ABI2: variants seen among roughly 807,000 people sequenced by gnomAD.
ABI2 encodes the protein abelson interactor 2.
A neutral mutation model predicts 59.2 loss-of-function variants in ABI2; 25 were observed. The observed-to-expected ratio is 0.42, with a 90% CI of 0.31 to 0.59. The LOEUF (loss-of-function observed/expected upper bound fraction) is 0.59. ABI2 is among the 20% of genes least tolerant of loss of function. The probability of loss-of-function intolerance (pLI) is 0.14; values close to 1 mark genes in which losing one functional copy is unlikely to be tolerated. For missense variants in ABI2, 545 were observed against 681.8 expected, an observed-to-expected ratio of 0.80 and a Z score of 2.23; for synonymous variants, 213 against 235.5, an observed-to-expected ratio of 0.90 and a Z score of 0.87.
chr2:203,402,574 A>G lies in ABI2; in HGVS notation c.1034-2A>G. On this transcript the variant is annotated splice_acceptor_variant, in intron 8 of 11. Transcript: ENST00000261018. LOFTEE classifies it high-confidence loss of function. ...CATATGTATGTTCTATCTCTTTTTC[A>G]GGTCATCCTGTACAGTTCTACAGCA... 6.8e-7 allele frequency: 1 copy of G among 1,475,408 alleles called. No homozygotes were observed. 91.4% of individuals were successfully genotyped at this position (1,475,408 alleles called of 1,614,324 possible). A position where few individuals can be genotyped will look rare whatever the true frequency, so the allele number is the denominator to read the frequency against.
chr2:203,382,955 A>G (rs1408907606), intron 4 of ABI2, among the ~76,000 whole-genome samples: 1 of 152,194 alleles, frequency 6.6e-6, no homozygotes, highest in Admixed American at 6.5e-5. Context: ...TCGTTTCAAT[A>G]ATGTTTTGGT....
intron 1 of ABI2, chr2:203,351,532 G>GTT (rs35382487): frequency 0.15 from 56,244 of 372,578 alleles, 48 homozygotes; most frequent in South Asian, 0.22. Flanking sequence ...TCAGTGTTTA[G>GTT]TTTTTTTTTT....
At position 203,385,155 on chromosome 2, in the gene ABI2, G is replaced by GCC. The variant is rs1352521786; in HGVS notation, c.480+2949_480+2950insCC. ...GCTCAGATTCTTTTTTTTTTTTTGA[G>GCC]ACAGTCTTGCCGTTGCCCAGGCTGG... On this transcript the variant is annotated intron_variant, in intron 4 of 11. Transcript: ENST00000261018. Among the ~76,000 whole-genome samples the GCC allele has an allele frequency of 1.5e-3, 19 of 12,406 alleles. 5 individuals are homozygous for GCC. The highest frequency in any genetic ancestry group is 0.12 in the Middle Eastern group (1 of 8). The allele number at this position is 12,406 out of a possible 152,430, so 8.1% of individuals were successfully genotyped here. A position where few individuals can be genotyped will look rare whatever the true frequency, so the allele number is the denominator to read the frequency against.
intron 1 of ABI2, among the ~76,000 whole-genome samples, chr2:203,334,216 C>T (rs2075381285): frequency 1.3e-5 from 2 of 152,170 alleles, no homozygotes; most frequent in Admixed American, 1.3e-4. Flanking sequence ...GCTGGGATTA[C>T]AGGTGTGAGC....
intron 1 of ABI2, among the ~76,000 whole-genome samples, chr2:203,345,653 C>A (rs555036492): frequency 1.1e-4 from 17 of 152,046 alleles, no homozygotes; most frequent in African/African-American, 4.1e-4. Flanking sequence ...AGGTGATCCA[C>A]CCACCTCGGC....
intron 8 of ABI2, among the ~76,000 whole-genome samples, chr2:203,400,797 G>C (rs2097188482): frequency 6.6e-6 from 1 of 152,120 alleles, no homozygotes; most frequent in Non-Finnish European, 1.5e-5. Context: ...ATGAAAAATT[G>C]TCAAAGTGTT....
At chr2:203,365,918 C>T (rs893681627) in intron 1 of ABI2, among the ~76,000 whole-genome samples, 6 of 152,018 alleles carry the variant, frequency 3.9e-5, no homozygotes, top group Admixed American at 6.6e-5. Context: ...CGTGAGCCAC[C>T]GTGCCCGGCC....
At chr2:203,333,150 A>G (rs2074735541) in intron 1 of ABI2, among the ~76,000 whole-genome samples, 1 of 152,220 alleles carries the variant, frequency 6.6e-6, no homozygotes, top group Non-Finnish European at 1.5e-5. Flanking sequence ...CAAAGATTTA[A>G]AATTTTTATT....
chr2:203,339,711 T>C (rs1024141050), intron 1 of ABI2, among the ~76,000 whole-genome samples: 1 of 152,082 alleles, frequency 6.6e-6, no homozygotes, highest in Non-Finnish European at 1.5e-5. Flanking sequence ...CAAAGAGACA[T>C]CTGCACACCC....
At chr2:203,407,657 T>C (rs543280511) in intron 9 of ABI2, among the ~76,000 whole-genome samples, 2 of 152,328 alleles carry the variant, frequency 1.3e-5, no homozygotes, top group Middle Eastern at 3.4e-3. Context: ...CTAAACATTC[T>C]TGTATATTGT....
At chr2:203,363,097 T>C (rs1428075855) in intron 1 of ABI2, among the ~76,000 whole-genome samples, 2 of 152,032 alleles carry the variant, frequency 1.3e-5, no homozygotes, top group East Asian at 3.9e-4. Context: ...TTGCAAACTT[T>C]TGGGATTACA....
chr2:203,372,569 ACCTC>A (rs1398399347), intron 2 of ABI2, among the ~76,000 whole-genome samples: 47 of 138,906 alleles, frequency 3.4e-4, no homozygotes, highest in Non-Finnish European at 6.7e-4. Flanking sequence ...TGACCCCCCC[ACCTC>A]CCTCCCGGAC....
intron 2 of ABI2, chr2:203,375,885 A>G (rs1465448597): frequency 4.6e-6 from 2 of 435,030 alleles, no homozygotes; most frequent in African/African-American, 2.0e-5. Context: ...CAAACTCCAA[A>G]TAGAACCGTA....
At chr2:203,358,904 C>G (rs1380273791) in intron 1 of ABI2, among the ~76,000 whole-genome samples, 3 of 152,120 alleles carry the variant, frequency 2.0e-5, no homozygotes, top group African/African-American at 7.2e-5. Flanking sequence ...CTTAGCTGCT[C>G]CGGAGACTGA....
rs145244517 is a variant in ABI2 at position 203,356,514 on chromosome 2, G to A, written c.118-10363G>A. Among the ~76,000 whole-genome samples, 953 of 152,088 alleles carry A rather than the reference G, an allele frequency of 6.3e-3. 7 individuals are homozygous for A. Among genetic ancestry groups the A allele is most frequent in the Non-Finnish European group, 9.8e-3 (666 of 68,008 alleles). On this transcript the variant is annotated intron_variant, in intron 1 of 11. Coordinates refer to ENST00000261018, the MANE Select transcript of ABI2 (RefSeq NM_001375670.1). The stretch of plus-strand genomic sequence containing the variant: ...CTCCCGAGTAGCTGGGACTACAGGC[G>A]CGTGCTGCCACGCCCGGCTAATTTT...
chr2:203,396,143 T>C (rs1312352968), intron 7 of ABI2, among the ~76,000 whole-genome samples: 1 of 152,190 alleles, frequency 6.6e-6, no homozygotes, highest in Non-Finnish European at 1.5e-5. Context: ...AAAAAGTAGT[T>C]TTGACAGTTA....
At chr2:203,416,781 A>C (rs906451283) in intron 10 of ABI2, 127 bp from the exon 11 acceptor site, 2 of 1,016,628 alleles carry the variant, frequency 2.0e-6, no homozygotes, top group African/African-American at 3.3e-5. Flanking sequence ...TTGCTCATTG[A>C]TTTTTTGAAG....
intron 10 of ABI2, among the ~76,000 whole-genome samples, chr2:203,412,725 TTAA>T (rs1252717692): frequency 7.2e-5 from 11 of 152,200 alleles, no homozygotes; most frequent in Middle Eastern, 3.2e-3. Context: ...CATTCAACTA[TTAA>T]TAGTTCAGCA....
At chr2:203,422,088 G>A (rs545028359) in intron 11 of ABI2, among the ~76,000 whole-genome samples, 1 of 152,030 alleles carries the variant, frequency 6.6e-6, no homozygotes, top group Admixed American at 6.5e-5. Flanking sequence ...TTGAGACGAG[G>A]AGTTCAAGAC....
Sources: allele counts gnomAD v4.1 joint callset (sites outside exome capture counted in the v4.1 genomes callset), GRCh38; gene constraint gnomAD v4.1.1; transcripts MANE v1.5; gene names NCBI Gene and HGNC (gene_info 2026-07-23, HGNC 2026-07-21).